The following LRP5 variants were observed in gnomAD, a reference collection of about 807,000 sequenced individuals.
LRP5 encodes the protein low-density lipoprotein receptor-related protein 5.
A neutral mutation model predicts 154.1 loss-of-function variants in LRP5; 62 were observed. The ratio of observed to expected loss-of-function variants is 0.40; its 90% confidence interval spans 0.33 to 0.50. LRP5 has a LOEUF of 0.50. Ranked by LOEUF, LRP5 falls within the 20% of genes least tolerant of loss-of-function variation. The pLI is 0.55. For synonymous variants in LRP5, 966 were observed against 1,011.5 expected (o/e 0.96, Z 0.85); for missense variants, 1,915 against 2,336.7 (o/e 0.82, Z 3.72).
chr11:68,384,785 C>A (rs942842123), intron 5 of LRP5, among the ~76,000 whole-genome samples: 1 of 152,126 alleles, frequency 6.6e-6, no homozygotes, highest in East Asian at 1.9e-4. Context: ...AACCCCCCAC[C>A]CCCCAAACTG....
chr11:68,299,403 C>T, the LRP5 span, among the ~76,000 whole-genome samples: 134 of 152,006 alleles, frequency 8.8e-4, 1 homozygote, highest in Non-Finnish European at 1.4e-3. Context: ...ACAGATGCAG[C>T]GGGGAATGGC....
At chr11:68,421,356 C>T (rs541629071) in intron 13 of LRP5, among the ~76,000 whole-genome samples, 3 of 152,210 alleles carry the variant, frequency 2.0e-5, no homozygotes, top group East Asian at 1.9e-4. Flanking sequence ...CAGGGTGTCA[C>T]GTCACACAGT....
At position 68,413,788 on chromosome 11, in the gene LRP5, T is replaced by C; in HGVS notation, c.2603T>C (p.Ile868Thr). The change falls in exon 12 of 23, where the codon ATT becomes ACT. Residue 868 changes from isoleucine (I) to threonine (T), a missense_variant. Coordinates refer to ENST00000294304, the MANE Select transcript of LRP5 (RefSeq NM_002335.4). The surrounding 1 kb of genome is among the most constrained non-coding windows in gnomAD (Gnocchi z 5.1). ...IYWTDWNLHS[I>T]ERADKTSGRN... ...TGGACAGACTGGAATCTGCACAGCA[T>C]TGAGCGGGCCGACAAGACTAGCGGC... 1 of 1,613,644 alleles carries C rather than the reference T, an allele frequency of 6.2e-7. No individual in the cohort carries two copies. The highest frequency in any genetic ancestry group is 1.1e-5 in the South Asian group (1 of 91,090).
chr11:68,357,069 G>A (rs2098623724), intron 2 of LRP5, among the ~76,000 whole-genome samples: 1 of 151,874 alleles, frequency 6.6e-6, no homozygotes, highest in African/African-American at 2.4e-5. Flanking sequence ...CTAAGTAGCT[G>A]GGACTACAGG....
rs941630119 is a variant in LRP5, at chr11:68,353,780, G to A, written c.489-3870G>A. On this transcript the variant is annotated intron_variant, in intron 2 of 22. Transcript: ENST00000294304. This position sits in a 1 kb window ranked among gnomAD's most constrained non-coding sequence, Gnocchi z 4.5. ...CATCAGGAAGGGGGTCTCTGGGTCCGAGCGTCCACCTCAGTGTGCACGTGG... is the reference window on the plus strand; with the variant it reads ...CATCAGGAAGGGGGTCTCTGGGTCCAAGCGTCCACCTCAGTGTGCACGTGG... 1.3e-5 allele frequency among the ~76,000 whole-genome samples: 2 copies of A among 152,204 alleles called. No individual in the cohort carries two copies. Among genetic ancestry groups the A allele is most frequent in the Non-Finnish European group, 1.5e-5 (1 of 68,034 alleles).
At chr11:68,437,637 G>C (rs2098675745) in intron 19 of LRP5, among the ~76,000 whole-genome samples, 1 of 152,222 alleles carries the variant, frequency 6.6e-6, no homozygotes, top group South Asian at 2.1e-4. Flanking sequence ...TGGGCTGAGA[G>C]CTCCTCTCTT....
Position 68,423,775 on chromosome 11 carries a change from C to G in LRP5, c.3236+78C>G. ...TGTCTTCTGCCGAATGCCAGCCTCT[C>G]ACAGGCTGGGGAGACTTTCCACCCT... On this transcript the variant is annotated intron_variant, in intron 14 of 22. Coordinates refer to ENST00000294304, the MANE Select transcript of LRP5 (RefSeq NM_002335.4). The surrounding 1 kb of genome is among the most constrained non-coding windows in gnomAD (Gnocchi z 4.7). The G allele has an allele frequency of 2.8e-6, 4 of 1,414,334 alleles. No homozygotes were observed. The highest frequency in any genetic ancestry group is 3.9e-6 in the Non-Finnish European group (4 of 1,027,108). 87.6% of individuals were successfully genotyped at this position (1,414,334 alleles called of 1,614,324 possible).
intron 2 of LRP5, among the ~76,000 whole-genome samples, chr11:68,354,195 G>C (rs1445557197): frequency 6.6e-6 from 1 of 152,226 alleles, no homozygotes; most frequent in Non-Finnish European, 1.5e-5. Context: ...CCATGCTGCA[G>C]CTCTTTTCTT....
At chr11:68,407,656 C>A (rs1199451576) in intron 9 of LRP5, among the ~76,000 whole-genome samples, 1 of 144,858 alleles carries the variant, frequency 6.9e-6, no homozygotes, top group Non-Finnish European at 1.5e-5. Context: ...GCCTCACCCA[C>A]GTGGAGAAAC....
At chr11:68,309,077 G>T, upstream of LRP5, among the ~76,000 whole-genome samples, 1 of 151,642 alleles carries the variant, frequency 6.6e-6, no homozygotes, top group East Asian at 1.9e-4. Flanking sequence ...GGGACTACAG[G>T]TGCCCGCCAC....
intron 21 of LRP5, 108 bp downstream of exon 21, chr11:68,440,024 G>T: frequency 1.1e-6 from 1 of 935,856 alleles, no homozygotes; most frequent in Non-Finnish European, 1.6e-6. Context: ...CTGTGCCACC[G>T]CCTCTGAGGC....
intron 1 of LRP5, among the ~76,000 whole-genome samples, chr11:68,315,292 C>T (rs1399797635): frequency 6.6e-6 from 1 of 152,256 alleles, no homozygotes; most frequent in Non-Finnish European, 1.5e-5. Context: ...CGTCCTCGAT[C>T]TTTCTGGCCC....
intron 13 of LRP5, among the ~76,000 whole-genome samples, chr11:68,416,863 G>T (rs2098662816): frequency 6.6e-6 from 1 of 152,186 alleles, no homozygotes; most frequent in Admixed American, 6.5e-5. Flanking sequence ...CCTTTATTTT[G>T]TGGGAACTGT....
chr11:68,343,621 T>C (rs74744), intron 1 of LRP5, among the ~76,000 whole-genome samples: 70,970 of 152,032 alleles, frequency 0.47, 18,626 homozygotes, highest in African/African-American at 0.69. Flanking sequence ...GTGTGGGGGC[T>C]GCCTGGCCTG....
chr11:68,396,759 T>C (rs1032511755), intron 7 of LRP5, among the ~76,000 whole-genome samples: 4 of 152,122 alleles, frequency 2.6e-5, no homozygotes, highest in African/African-American at 9.7e-5. Context: ...CGACCAGCTG[T>C]TGCCATCATC....
intron 5 of LRP5, among the ~76,000 whole-genome samples, chr11:68,376,277 G>A (rs2098637303): frequency 1.3e-5 from 2 of 150,768 alleles, no homozygotes; most frequent in South Asian, 4.2e-4. Flanking sequence ...TGCCTGCTGA[G>A]CTCAAGCGAT....
chr11:68,448,715 G>T (rs1400357557), intron 22 of LRP5, 94 bp from the exon 23 acceptor site: 4 of 1,494,006 alleles, frequency 2.7e-6, no homozygotes. Context: ...CTGGCCAGTG[G>T]ACAGGCCTTT....
chr11:68,382,881 AT>A (rs34825808), intron 5 of LRP5, among the ~76,000 whole-genome samples: 87,711 of 146,874 alleles, frequency 0.6, 27,526 homozygotes, highest in South Asian at 0.87. Context: ...TACTTTAATG[AT>A]TTTTTTTTTT....
rs752428183 is a variant in LRP5 at position 68,365,579 on chromosome 11, C to T, written c.892C>T (p.Arg298Cys). 1.1e-5 allele frequency: 17 copies of T among 1,613,930 alleles called. No individual in the cohort carries two copies. Among genetic ancestry groups the T allele is most frequent in the Non-Finnish European group, 8.5e-6 (10 of 1,180,008 alleles). The change falls in exon 5 of 23, where the codon CGC becomes TGC. Residue 298 changes from arginine (R) to cysteine (C), a missense_variant. Arg to Cys is a radical substitution (Grantham distance 180). Coordinates refer to ENST00000294304, the MANE Select transcript of LRP5 (RefSeq NM_002335.4). ...SQERQPFFHT[R>C]CEEDNGGCSH... ...TGTCCTGGTTTTCTCAGTCCACACT[C>T]GCTGTGAGGAGGACAATGGCGGCTG... is the stretch of plus-strand genomic sequence containing the variant.
Sources: allele counts gnomAD v4.1 joint callset (sites outside exome capture counted in the v4.1 genomes callset), GRCh38; gene constraint gnomAD v4.1.1; non-coding constraint Gnocchi (gnomAD v3.1); transcripts MANE v1.5; gene names NCBI Gene and HGNC (gene_info 2026-07-23, HGNC 2026-07-21).